The following SHISA5 variants were observed in gnomAD, a reference collection of about 807,000 sequenced individuals.
SHISA5 encodes shisa family member 5.
Under a neutral mutation model 27.5 loss-of-function variants are expected in SHISA5, and 21 were observed. That is an observed-to-expected ratio of 0.76 (90% CI 0.54 to 1.10). The LOEUF (loss-of-function observed/expected upper bound fraction) is 1.10. SHISA5 is among the 50% of genes least tolerant of loss of function. The pLI is 0.00. For synonymous variants in SHISA5, 137 were observed against 142.2 expected (o/e 0.96, Z 0.26); for missense variants, 314 against 336.3 (o/e 0.93, Z 0.52).
rs1190052798 is a variant in SHISA5 at position 48,492,465 on chromosome 3, G to A, written c.233+8672C>T. Among the ~76,000 whole-genome samples, 2 of 147,874 alleles carry A rather than the reference G, an allele frequency of 1.4e-5. 1 individual carries two copies. The highest frequency in any genetic ancestry group is 2.9e-5 in the Non-Finnish European group (2 of 67,868). The stretch of plus-strand genomic sequence containing the variant: ...CGCCTGGGTGAAAGAGCGAGACTCC[G>A]TCTCATAAGAAAAAAAAGAGGTAAT... On this transcript the variant is annotated intron_variant, in intron 2 of 5. Transcript: ENST00000296444.
intron 2 of SHISA5, among the ~76,000 whole-genome samples, chr3:48,498,718 G>T (rs1462309998): frequency 6.7e-6 from 1 of 149,888 alleles, no homozygotes; most frequent in Non-Finnish European, 1.5e-5. Context: ...AAGACAGAAT[G>T]GAAAAGAAGA....
At chr3:48,478,444 G>A (rs774600007) in intron 3 of SHISA5, among the ~76,000 whole-genome samples, 30 of 152,038 alleles carry the variant, frequency 2.0e-4, no homozygotes, top group Admixed American at 9.2e-4. Flanking sequence ...TTCTTTAAGC[G>A]GCTTCTAGAT....
chr3:48,489,685 T>C (rs2041363987), intron 2 of SHISA5, among the ~76,000 whole-genome samples: 1 of 140,918 alleles, frequency 7.1e-6, no homozygotes, highest in Admixed American at 7.5e-5. Context: ...TGGAGTGCAG[T>C]AGTGTGATCA....
chr3:48,470,748 G>A lies in SHISA5; in HGVS notation c.315-905C>T, dbSNP rs564489893. 5.3e-4 allele frequency among the ~76,000 whole-genome samples: 81 copies of A among 152,296 alleles called. No homozygotes were observed. The highest frequency in any genetic ancestry group is 1.1e-3 in the Non-Finnish European group (72 of 68,028). On this transcript the variant is annotated intron_variant, in intron 3 of 5. Coordinates refer to ENST00000296444, the MANE Select transcript of SHISA5 (RefSeq NM_016479.6). The surrounding 1 kb of genome is among the most constrained non-coding windows in gnomAD (Gnocchi z 4.3). ...TCGAGACCAGCCTGGCCAACATGGT[G>A]AAACCCTGTCTCTACTAAAAATACA...
At position 48,469,514 on chromosome 3, in the gene SHISA5, T is replaced by C. The variant is rs745829981; in HGVS notation, c.490A>G (p.Ser164Gly). Residue 164 changes from serine (S) to glycine (G), a missense_variant, in exon 5 of 6, where the codon AGT becomes GGT. Coordinates refer to ENST00000296444, the MANE Select transcript of SHISA5 (RefSeq NM_016479.6). This position sits in a 1 kb window ranked among gnomAD's most constrained non-coding sequence, Gnocchi z 4.6. ...GGTCCAGGGTAGCTGGGCGGCACAC[T>C]TGGAGGCTGAGGATAAGGGGCATGC... Reference protein sequence around the residue: ...VVHAPYPQPPSVPPSYPGPSY... With the variant: ...VVHAPYPQPPGVPPSYPGPSY... 1.3e-5 allele frequency: 21 copies of C among 1,613,584 alleles called. No homozygotes were observed. The highest frequency in any genetic ancestry group is 1.8e-5 in the Non-Finnish European group (21 of 1,179,832).
chr3:48,471,704 G>A (rs1393668603), intron 3 of SHISA5, among the ~76,000 whole-genome samples: 2 of 151,750 alleles, frequency 1.3e-5, no homozygotes, highest in African/African-American at 2.4e-5. Flanking sequence ...CCTGAGGTCT[G>A]GAATTCGAGA....
At position 48,501,257 on chromosome 3, in the gene SHISA5, C is replaced by G; in HGVS notation, c.113G>C (p.Ser38Thr). 6.2e-7 allele frequency: 1 copy of G among 1,614,156 alleles called. No homozygotes were observed. Among genetic ancestry groups the G allele is most frequent in the South Asian group, 1.1e-5 (1 of 91,086 alleles). ...ATCTGGACAGGACTCGGGGAAGAGG[C>G]TGAGTCCACGGGAAGCCATACACAC... The part of the protein sequence containing the change: ...GEVCMASRGL[S>T]LFPESCPDFC... The change falls in exon 2 of 6, where the codon AGC (serine) becomes ACC (threonine). Residue 38 changes from serine to threonine, a missense_variant. Physicochemically the swap from Ser to Thr is moderately conservative, Grantham distance 58. Transcript: ENST00000296444.
intron 2 of SHISA5, 75 bp from the exon 3 acceptor site, chr3:48,479,332 C>A (rs1257555202): frequency 3.6e-6 from 5 of 1,407,240 alleles, no homozygotes; most frequent in South Asian, 1.2e-5. Flanking sequence ...CTTAGGGCAC[C>A]ACAAAACGTG....
At chr3:48,501,378 AC>A in intron 1 of SHISA5, 85 bp from the exon 2 acceptor site, 1 of 1,432,456 alleles carries the variant, frequency 7.0e-7, no homozygotes, top group Non-Finnish European at 9.6e-7. Flanking sequence ...CAGCCACCAG[AC>A]CACACACACA....
At chr3:48,500,717 CGCACT>C (rs963005805) in intron 2 of SHISA5, among the ~76,000 whole-genome samples, 68 of 152,172 alleles carry the variant, frequency 4.5e-4, no homozygotes, top group Non-Finnish European at 8.8e-5. Flanking sequence ...CACATGCTTA[CGCACT>C]GCACCCTACA....
chr3:48,479,309 GCACAAACACTAC>G, intron 2 of SHISA5, 52 bp from the exon 3 acceptor site: 1 of 1,527,628 alleles, frequency 6.5e-7, no homozygotes, highest in Non-Finnish European at 8.9e-7. Flanking sequence ...CCGAGCGCCA[GCACAAACACTAC>G]CTTAGGGCAC....
At chr3:48,479,398 C>A in intron 2 of SHISA5, 141 bp from the exon 3 acceptor site, 1 of 695,466 alleles carries the variant, frequency 1.4e-6, no homozygotes, top group South Asian at 1.7e-5. Flanking sequence ...TGGACTCTGC[C>A]CACACCGGGA....
At chr3:48,471,369 G>C (rs1034474563) in intron 3 of SHISA5, among the ~76,000 whole-genome samples, 1 of 150,754 alleles carries the variant, frequency 6.6e-6, no homozygotes, top group East Asian at 2.0e-4. Flanking sequence ...GGATCACAAG[G>C]TTAGCAGTTT....
chr3:48,473,239 G>A lies in SHISA5; in HGVS notation c.315-3396C>T. The A allele has an allele frequency of 7.0e-7, 1 of 1,425,708 alleles. No individual in the cohort carries two copies. The highest frequency in any genetic ancestry group is 2.6e-5 in the East Asian group (1 of 38,918). The allele number at this position is 1,425,708 out of a possible 1,614,324, so 88.3% of individuals were successfully genotyped here. The stretch of plus-strand genomic sequence containing the variant: ...CCGGCTAGCAGCCAAGGAGCCAAGG[G>A]GCGGGGGCCGGGGAGGAGGGGAAGC... On this transcript the variant is annotated intron_variant, in intron 3 of 5. Transcript: ENST00000296444. The surrounding 1 kb of genome is among the most constrained non-coding windows in gnomAD (Gnocchi z 4.3).
intron 2 of SHISA5, among the ~76,000 whole-genome samples, chr3:48,491,378 A>G (rs1328880581): frequency 6.6e-6 from 1 of 152,080 alleles, no homozygotes; most frequent in East Asian, 1.9e-4. Context: ...TCGGCCTCCC[A>G]AAGTGCTGGG....
At chr3:48,476,317 G>A (rs181399453) in intron 3 of SHISA5, among the ~76,000 whole-genome samples, 11 of 150,764 alleles carry the variant, frequency 7.3e-5, no homozygotes, top group African/African-American at 2.7e-4. Flanking sequence ...CTCCAGCCTG[G>A]GCAACAGGAG....
chr3:48,499,962 C>T (rs2041707696), intron 2 of SHISA5, among the ~76,000 whole-genome samples: 1 of 149,110 alleles, frequency 6.7e-6, no homozygotes, highest in African/African-American at 2.5e-5. Flanking sequence ...GACAGGTGTG[C>T]AGCCCTGTGC....
intron 2 of SHISA5, 81 bp from the exon 3 acceptor site, chr3:48,479,338 A>C: frequency 1.5e-6 from 2 of 1,339,154 alleles, no homozygotes; most frequent in Non-Finnish European, 2.1e-6. Flanking sequence ...GCACCACAAA[A>C]CGTGCACAGA....
Position 48,467,967 on chromosome 3 carries a change from A to C in SHISA5, c.*1140T>G, listed in dbSNP as rs2040415529. On this transcript the variant is annotated 3_prime_UTR_variant, in exon 6 of 6. Coordinates refer to ENST00000296444, the MANE Select transcript of SHISA5 (RefSeq NM_016479.6). ...GCTAAGACAGCTCTGGTGAAACAGTAATAGAGGGAGGAGGAACACGAGGTA... is the reference window on the plus strand; with the variant it reads ...GCTAAGACAGCTCTGGTGAAACAGTCATAGAGGGAGGAGGAACACGAGGTA... 3.6e-6 allele frequency: 1 copy of C among 279,588 alleles called. No individual in the cohort carries two copies. The highest frequency in any genetic ancestry group is 2.2e-5 in the African/African-American group (1 of 45,798). 17.3% of individuals were successfully genotyped at this position (279,588 alleles called of 1,614,324 possible).
Sources: gnomAD v4.1 joint callset for allele counts (sites outside exome capture counted in the v4.1 genomes callset) on GRCh38, gnomAD v4.1.1 for gene constraint, Gnocchi (gnomAD v3.1) non-coding constraint, MANE v1.5 for transcripts, NCBI Gene and HGNC (gene_info 2026-07-23, HGNC 2026-07-21) for gene names.